The following CACNA1C variants were observed in gnomAD, a reference collection of about 807,000 sequenced individuals.
The protein encoded by CACNA1C is calcium voltage-gated channel subunit alpha1 C.
In CACNA1C, 30 loss-of-function variants were observed where a neutral mutation model predicts 229.0. The ratio of observed to expected loss-of-function variants is 0.13; its 90% CI spans 0.10 to 0.18. CACNA1C has a LOEUF of 0.18. Ranked by LOEUF, CACNA1C falls within the 10% of genes least tolerant of loss-of-function variation. The pLI is 1.00. For synonymous variants in CACNA1C, 1,114 were observed against 1,132.5 expected, an observed-to-expected ratio of 0.98 and a Z score of 0.33; for missense variants, 1,658 against 2,845.0, an observed-to-expected ratio of 0.58 and a Z score of 9.49.
At chr12:2,115,584 C>G (rs1023374802) in intron 2 of CACNA1C, 39 bp downstream of exon 2, 1 of 1,600,048 alleles carries the variant, frequency 6.2e-7, no homozygotes, top group Non-Finnish European at 8.6e-7. Context: ...CTCCTGGGAC[C>G]TGCACGCTGG....
rs759941975 is a variant in CACNA1C at position 2,115,458 on chromosome 12, C to A, written c.284C>A (p.Thr95Asn). Residue 95 changes from threonine to asparagine, a missense_variant, in exon 2 of 47, where the codon ACC (threonine) becomes AAC (asparagine). Coordinates refer to ENST00000399655, the MANE Select transcript of CACNA1C (RefSeq NM_000719.7). Reference protein sequence around the residue: ...QYGKPKKQGSTTATRPPRALL... With the variant: ...QYGKPKKQGSNTATRPPRALL... ...GGGAAACCCAAGAAGCAGGGCAGCACCACGGCCACACGCCCGCCCCGAGCC... is the reference window on the plus strand; with the variant it reads ...GGGAAACCCAAGAAGCAGGGCAGCAACACGGCCACACGCCCGCCCCGAGCC... 6.2e-7 allele frequency: 1 copy of A among 1,613,310 alleles called. No homozygotes were observed. The highest frequency in any genetic ancestry group is 8.5e-7 in the Non-Finnish European group (1 of 1,179,890).
intron 3 of CACNA1C, among the ~76,000 whole-genome samples, chr12:2,306,304 G>A (rs931691765): frequency 2.6e-5 from 4 of 152,216 alleles, no homozygotes; most frequent in African/African-American, 4.8e-5. Context: ...CAGCCTGTGC[G>A]CTCTGCCGTC....
At chr12:2,311,005 T>G (rs1381969989) in intron 3 of CACNA1C, among the ~76,000 whole-genome samples, 1 of 152,190 alleles carries the variant, frequency 6.6e-6, no homozygotes, top group African/African-American at 2.4e-5. Flanking sequence ...TAGCATCTCT[T>G]CTTCTCTAAA....
intron 1 of CACNA1C, among the ~76,000 whole-genome samples, chr12:2,023,608 C>T (rs926828740): frequency 4.6e-5 from 7 of 152,134 alleles, no homozygotes; most frequent in Admixed American, 1.3e-4. Context: ...GCAGGTTTCA[C>T]AAAAGCAGGC....
rs215991 is a variant in CACNA1C at position 2,606,283 on chromosome 12, G to T, written c.3157-328G>T. Among the ~76,000 whole-genome samples, 41,657 of 151,378 alleles carry T rather than the reference G, an allele frequency of 0.28. 7,308 individuals carry two copies. The highest frequency in any genetic ancestry group is 0.5 in the African/African-American group (20,671 of 41,196). The stretch of plus-strand genomic sequence containing the variant: ...TGCTATTCTCCCACCTAGAGCATTC[G>T]CCCCCGCTCCCCTCCACTGTGTAAA... On this transcript the variant is annotated intron_variant, in intron 24 of 46. Coordinates refer to ENST00000399655, the MANE Select transcript of CACNA1C (RefSeq NM_000719.7).
intron 9 of CACNA1C, among the ~76,000 whole-genome samples, chr12:2,532,429 A>G (rs1343566710): frequency 6.6e-6 from 1 of 152,138 alleles, no homozygotes; most frequent in Admixed American, 6.5e-5. Context: ...GCTCCCCCAC[A>G]GTATTATTGA....
chr12:1,993,289 A>G, intron 1 of CACNA1C: 1 of 1,614,156 alleles, frequency 6.2e-7, no homozygotes. Flanking sequence ...AGAGAAGGAA[A>G]GGGTCCTGGA....
At chr12:2,690,793 C>A in intron 46 of CACNA1C, 107 bp from the exon 47 acceptor site, 1 of 1,144,690 alleles carries the variant, frequency 8.7e-7, no homozygotes. Flanking sequence ...CGCACACTTC[C>A]CCAAGTGACC....
At chr12:1,974,626 C>T (rs2033713490) in intron 1 of CACNA1C, among the ~76,000 whole-genome samples, 1 of 152,086 alleles carries the variant, frequency 6.6e-6, no homozygotes, top group Non-Finnish European at 1.5e-5. Flanking sequence ...AAACAAAGGA[C>T]AAATAATAAC....
rs1329135987 is a variant in CACNA1C at position 2,605,090 on chromosome 12, A to G, written c.2970A>G (p.Ala990=). The G allele has an allele frequency of 3.7e-6, 6 of 1,613,672 alleles. No individual in the cohort carries two copies. The highest frequency in any genetic ancestry group is 1.3e-5 in the African/African-American group (1 of 75,048). The change falls in exon 23 of 47, where the codon GCA becomes GCG. Residue 990 remains alanine, a synonymous_variant. Transcript: ENST00000399655. The surrounding 1 kb of genome is among the most constrained non-coding windows in gnomAD (Gnocchi z 6.2). ...TGTTTCCCTCTCCCAGGTCCAGTGCAATCAATGTCGTGAAGATCTTGCGAG... is the reference window on the plus strand; with the variant it reads ...TGTTTCCCTCTCCCAGGTCCAGTGCGATCAATGTCGTGAAGATCTTGCGAG... ...SLISFGIQSS[A]INVVKILRVL...
At chr12:2,497,099 C>G (rs1264726791) in intron 7 of CACNA1C, among the ~76,000 whole-genome samples, 3 of 152,098 alleles carry the variant, frequency 2.0e-5, no homozygotes, top group Non-Finnish European at 4.4e-5. Flanking sequence ...GCACATCATT[C>G]AAGGCTGCTT....
At chr12:2,063,530 T>A (rs879417413) in intron 1 of CACNA1C, among the ~76,000 whole-genome samples, 1 of 152,216 alleles carries the variant, frequency 6.6e-6, no homozygotes, top group Non-Finnish European at 1.5e-5. Flanking sequence ...CAGACCTAGA[T>A]AGGTCATGAC....
At chr12:2,571,583 C>T (rs549360313) in intron 13 of CACNA1C, among the ~76,000 whole-genome samples, 2 of 152,168 alleles carry the variant, frequency 1.3e-5, no homozygotes, top group African/African-American at 4.8e-5. Context: ...AAGATATTGC[C>T]AAGAAACCAT....
intron 9 of CACNA1C, among the ~76,000 whole-genome samples, chr12:2,514,871 C>T (rs566703594): frequency 4.6e-5 from 7 of 152,260 alleles, no homozygotes; most frequent in African/African-American, 1.4e-4. Context: ...TAGGAGAGTT[C>T]CCAGCATGGA....
intron 1 of CACNA1C, among the ~76,000 whole-genome samples, chr12:2,015,898 G>A (rs575108916): frequency 6.6e-6 from 1 of 152,198 alleles, no homozygotes. Context: ...TTATTTTTGA[G>A]GATTAAACAA....
chr12:1,993,597 T>C (rs1161349279), intron 1 of CACNA1C, among the ~76,000 whole-genome samples: 1 of 151,254 alleles, frequency 6.6e-6, no homozygotes, highest in Non-Finnish European at 1.5e-5. Flanking sequence ...TGATGATTCA[T>C]TTGGTAAAAT....
chr12:2,504,028 A>G lies in CACNA1C; in HGVS notation c.1114-814A>G, dbSNP rs1337570346. ...CAGGCCTGTCAGCAGGAGCTGACGC[A>G]CTTCATACACCAAGGTCAGGGGCCT... On this transcript the variant is annotated intron_variant, in intron 7 of 46. Transcript: ENST00000399655. The surrounding 1 kb of genome is among the most constrained non-coding windows in gnomAD (Gnocchi z 6.8). 6.6e-6 allele frequency among the ~76,000 whole-genome samples: 1 copy of G among 152,196 alleles called. No individual in the cohort carries two copies. The highest frequency in any genetic ancestry group is 1.9e-4 in the East Asian group (1 of 5,184).
At chr12:2,188,830 C>G (rs11062146) in intron 3 of CACNA1C, among the ~76,000 whole-genome samples, 46,531 of 151,902 alleles carry the variant, frequency 0.31, 8,329 homozygotes, top group South Asian at 0.39. Flanking sequence ...CGGTGTCTCA[C>G]GCCTGTAATC....
chr12:2,449,064 C>A lies in CACNA1C; in HGVS notation c.566C>A (p.Ala189Asp). ...TATGGACTCCTCTTTCACCCCAATG[C>A]CTACCTCCGCAACGGCTGGAACCTA... ...IAYGLLFHPN[A>D]YLRNGWNLLD... Residue 189 changes from alanine to aspartate, a missense_variant, in exon 4 of 47, where the codon GCC becomes GAC. Transcript: ENST00000399655. 1 of 1,591,488 alleles carries A rather than the reference C, an allele frequency of 6.3e-7. No homozygotes were observed. Among genetic ancestry groups the A allele is most frequent in the Non-Finnish European group, 8.6e-7 (1 of 1,167,166 alleles).
Sources: allele counts gnomAD v4.1 joint callset (sites outside exome capture counted in the v4.1 genomes callset), GRCh38; gene constraint gnomAD v4.1.1; non-coding constraint Gnocchi (gnomAD v3.1); transcripts MANE v1.5; gene names NCBI Gene and HGNC (gene_info 2026-07-23, HGNC 2026-07-21).